The following ESF1 variants were observed in gnomAD, a reference collection of about 807,000 sequenced individuals.
ESF1 encodes the protein ESF1 nucleolar pre-rRNA processing protein.
In ESF1, 58 loss-of-function variants were observed where a neutral mutation model predicts 92.0. The observed-to-expected ratio is 0.63, with a 90% CI of 0.51 to 0.78. ESF1 has a LOEUF of 0.78. ESF1 is among the 30% of genes least tolerant of loss of function. The pLI, the probability that ESF1 is intolerant of heterozygous loss-of-function variation, is 0.00. For missense variants in ESF1, 922 were observed against 989.1 expected, an observed-to-expected ratio of 0.93 and a Z score of 0.91; for synonymous variants, 321 against 313.7, an observed-to-expected ratio of 1.02 and a Z score of -0.24.
At chr20:13,770,280 G>A (rs1979625460) in intron 6 of ESF1, among the ~76,000 whole-genome samples, 1 of 152,192 alleles carries the variant, frequency 6.6e-6, no homozygotes, top group African/African-American at 2.4e-5. Context: ...TGCATTAGGA[G>A]TCAGTTAATG....
chr20:13,738,338 G>T (rs2049989406), intron 9 of ESF1, among the ~76,000 whole-genome samples: 1 of 143,926 alleles, frequency 6.9e-6, no homozygotes. Context: ...TTTTGAGACA[G>T]GGTCTTGCTG....
At position 13,759,749 on chromosome 20, in the gene ESF1, C is replaced by T; in HGVS notation, c.1771G>A (p.Glu591Lys). 1.3e-6 allele frequency: 2 copies of T among 1,565,704 alleles called. No homozygotes were observed. The highest frequency in any genetic ancestry group is 1.7e-6 in the Non-Finnish European group (2 of 1,166,170). The change falls in exon 9 of 14, where the codon GAA (glutamate) becomes AAA (lysine). Residue 591 changes from glutamate (E) to lysine (K), a missense_variant. By Grantham distance (56) the Glu-to-Lys change is moderately conservative. Transcript: ENST00000617257. Reference sequence around the variant, plus strand: ...TTTTCTTTGCCTTTCTTTTCTTTTTCTTGAATAACCTGCAAGAGCTGCCTG... The same window carrying T: ...TTTTCTTTGCCTTTCTTTTCTTTTTTTTGAATAACCTGCAAGAGCTGCCTG... ...KYRQLLQVIQEKEKKGKENDM... is the reference protein window; with the variant it reads ...KYRQLLQVIQKKEKKGKENDM...
intron 10 of ESF1, among the ~76,000 whole-genome samples, chr20:13,729,671 T>C (rs994072465): frequency 6.6e-6 from 1 of 152,162 alleles, no homozygotes; most frequent in African/African-American, 2.4e-5. Flanking sequence ...ATTATGAAAA[T>C]CTAAAACATA....
At chr20:13,767,953 C>A (rs924466837) in intron 7 of ESF1, among the ~76,000 whole-genome samples, 1 of 152,190 alleles carries the variant, frequency 6.6e-6, no homozygotes, top group Non-Finnish European at 1.5e-5. Flanking sequence ...TAAGCCTGAG[C>A]TGATAACCAC....
intron 7 of ESF1, among the ~76,000 whole-genome samples, chr20:13,768,709 C>T (rs1262949021): frequency 1.3e-5 from 2 of 151,402 alleles, no homozygotes; most frequent in African/African-American, 4.9e-5. Flanking sequence ...CCAGCCTGGC[C>T]AACATGGTGA....
At chr20:13,722,107 A>G (rs1465909417) in intron 11 of ESF1, among the ~76,000 whole-genome samples, 3 of 152,188 alleles carry the variant, frequency 2.0e-5, no homozygotes, top group African/African-American at 7.2e-5. Context: ...ATTAATATTT[A>G]AAGCAGATAA....
intron 2 of ESF1, among the ~76,000 whole-genome samples, chr20:13,780,970 T>C (rs886074068): frequency 2.0e-5 from 3 of 152,194 alleles, no homozygotes; most frequent in Non-Finnish European, 4.4e-5. Flanking sequence ...CCCAATCACA[T>C]CTTTGCTCAA....
rs1174739027 is a variant in ESF1 at position 13,748,588 on chromosome 20, ATATATTT to A, written c.1828+11097_1828+11103del. Among the ~76,000 whole-genome samples the A allele has an allele frequency of 2.6e-3, 159 of 61,506 alleles. 2 individuals are homozygous for A. Among genetic ancestry groups the A allele is most frequent in the African/African-American group, 7.3e-3 (139 of 19,010 alleles). 40.4% of individuals were successfully genotyped at this position (61,506 alleles called of 152,430 possible). On this transcript the variant is annotated intron_variant, in intron 9 of 13. Transcript: ENST00000617257. ...TATGTGTGTGTGTATATATATATATATATATTTTTTTTTTTTTGAGATGGAGTGTTGC... is the reference window on the plus strand; with the variant it reads ...TATGTGTGTGTGTATATATATATATATTTTTTTTTTGAGATGGAGTGTTGC...
At chr20:13,721,576 T>C (rs1175347457) in intron 11 of ESF1, among the ~76,000 whole-genome samples, 1 of 152,068 alleles carries the variant, frequency 6.6e-6, no homozygotes, top group Admixed American at 6.5e-5. Context: ...ATGGTCAAGA[T>C]GGTTGAAGAA....
At chr20:13,766,679 G>T in intron 8 of ESF1, 98 bp downstream of exon 8, 1 of 1,184,284 alleles carries the variant, frequency 8.4e-7, no homozygotes, top group Non-Finnish European at 1.2e-6. Flanking sequence ...ATATAATACT[G>T]TGCATGTGAG....
At chr20:13,781,511 T>A (rs1980187223) in intron 2 of ESF1, among the ~76,000 whole-genome samples, 1 of 152,184 alleles carries the variant, frequency 6.6e-6, no homozygotes, top group Non-Finnish European at 1.5e-5. Flanking sequence ...CAGGCTGTTA[T>A]CCGCACAGGG....
chr20:13,774,756 A>G (rs1979847638), intron 4 of ESF1, among the ~76,000 whole-genome samples: 1 of 152,346 alleles, frequency 6.6e-6, no homozygotes, highest in South Asian at 2.1e-4. Flanking sequence ...CAAGTGTTAC[A>G]GTTTACTTCA....
intron 2 of ESF1, among the ~76,000 whole-genome samples, chr20:13,776,799 T>A (rs1012081843): frequency 1.3e-5 from 2 of 152,168 alleles, no homozygotes; most frequent in African/African-American, 4.8e-5. Flanking sequence ...AGGAGTTAAA[T>A]AGTCAAAGTT....
chr20:13,717,608 G>C, intron 12 of ESF1, 94 bp from the exon 13 acceptor site: 2 of 1,397,208 alleles, frequency 1.4e-6, no homozygotes, highest in Non-Finnish European at 2.0e-6. Context: ...CTTCTAGAAA[G>C]GAAGACTCAA....
At chr20:13,744,417 T>C (rs2050034742) in intron 9 of ESF1, among the ~76,000 whole-genome samples, 1 of 152,188 alleles carries the variant, frequency 6.6e-6, no homozygotes. Flanking sequence ...TCCTCCTCAT[T>C]AGTAACCAGG....
intron 9 of ESF1, among the ~76,000 whole-genome samples, chr20:13,758,406 G>A (rs1258809773): frequency 6.6e-6 from 1 of 152,120 alleles, no homozygotes; most frequent in Non-Finnish European, 1.5e-5. Context: ...AAACAAATGG[G>A]TTGCAACACA....
chr20:13,776,660 T>C (rs1322014907), intron 2 of ESF1, among the ~76,000 whole-genome samples: 1 of 152,178 alleles, frequency 6.6e-6, no homozygotes, highest in Non-Finnish European at 1.5e-5. Flanking sequence ...AATACATGGA[T>C]ATCAAATAAA....
intron 11 of ESF1, among the ~76,000 whole-genome samples, chr20:13,725,876 GA>G (rs1369950755): frequency 6.6e-6 from 1 of 152,166 alleles, no homozygotes; most frequent in African/African-American, 2.4e-5. Context: ...ATCTCAAAGT[GA>G]TTATACCACA....
Position 13,783,199 on chromosome 20 carries a change from A to G in ESF1, c.-43-16T>C. ...AAAACAAATACTGAAAAATAAAACAAATGTTTTAATGGTAATAATGGTTAG... is the reference window on the plus strand; with the variant it reads ...AAAACAAATACTGAAAAATAAAACAGATGTTTTAATGGTAATAATGGTTAG... On this transcript the variant is annotated splice_polypyrimidine_tract_variant and intron_variant, in intron 1 of 13. Coordinates refer to ENST00000617257, the MANE Select transcript of ESF1 (RefSeq NM_001276380.2). The G allele has an allele frequency of 4.1e-6, 6 of 1,479,098 alleles. No individual in the cohort carries two copies. In the East Asian group the frequency reaches 1.4e-4, roughly 34 times the overall value. The allele number at this position is 1,479,098 out of a possible 1,614,324, so 91.6% of individuals were successfully genotyped here.
Sources: allele counts gnomAD v4.1 joint callset (sites outside exome capture counted in the v4.1 genomes callset), GRCh38; gene constraint gnomAD v4.1.1; transcripts MANE v1.5; gene names NCBI Gene and HGNC (gene_info 2026-07-23, HGNC 2026-07-21).